CCR3: variants seen among roughly 807,000 people sequenced by gnomAD.
CCR3 encodes C-C motif chemokine receptor 3.
For missense variants in CCR3, 419 were observed against 437.5 expected (o/e 0.96, Z 0.38); for synonymous variants, 203 against 179.2 (o/e 1.13, Z -1.06).
intron 1 of CCR3, among the ~76,000 whole-genome samples, chr3:46,248,827 G>A (rs1700250414): frequency 6.6e-6 from 1 of 152,130 alleles, no homozygotes; most frequent in South Asian, 2.1e-4. Flanking sequence ...GTAGAGGGAG[G>A]TATTGAGGAT....
intron 2 of CCR3, among the ~76,000 whole-genome samples, chr3:46,224,653 C>T (rs1000468241): frequency 3.4e-5 from 5 of 147,340 alleles, no homozygotes; most frequent in Non-Finnish European, 5.9e-5. Context: ...AGCAGAATTG[C>T]TTGAGCCTGG....
intron 2 of CCR3, among the ~76,000 whole-genome samples, chr3:46,213,771 T>C (rs57115330): frequency 0.16 from 25,092 of 152,164 alleles, 3,006 homozygotes; most frequent in African/African-American, 0.33. Context: ...TCACTGCCTC[T>C]AGCACCTCAA....
intron 1 of CCR3, among the ~76,000 whole-genome samples, chr3:46,259,797 G>C (rs1700489566): frequency 6.6e-6 from 1 of 152,178 alleles, no homozygotes; most frequent in South Asian, 2.1e-4. Flanking sequence ...TGATTAAATA[G>C]GATCATAGTT....
chr3:46,222,720 T>C (rs1356739895), intron 2 of CCR3, among the ~76,000 whole-genome samples: 3 of 152,228 alleles, frequency 2.0e-5, no homozygotes, highest in African/African-American at 7.2e-5. Flanking sequence ...CTTGGGCATT[T>C]TTATTTACCG....
At chr3:46,214,946 CA>C (rs1176785958) in intron 2 of CCR3, among the ~76,000 whole-genome samples, 1 of 152,144 alleles carries the variant, frequency 6.6e-6, no homozygotes, top group African/African-American at 2.4e-5. Flanking sequence ...TTCCTGCTGG[CA>C]GAGAGCCTGA....
chr3:46,244,996 G>T (rs1700163880), intron 1 of CCR3, among the ~76,000 whole-genome samples: 1 of 152,122 alleles, frequency 6.6e-6, no homozygotes, highest in African/African-American at 2.4e-5. Flanking sequence ...TATTCTTCAT[G>T]ACCAACTCCT....
At chr3:46,251,206 A>G (rs2125930832) in intron 1 of CCR3, among the ~76,000 whole-genome samples, 2 of 152,282 alleles carry the variant, frequency 1.3e-5, no homozygotes, top group South Asian at 4.1e-4. Context: ...GACACCCTTG[A>G]AACGTGGGTG....
At position 46,262,649 on chromosome 3, in the gene CCR3, A is replaced by T. The variant is rs543611531; in HGVS notation, c.-11-2499A>T. On this transcript the variant is annotated intron_variant, in intron 1 of 1. Transcript: ENST00000395940. ...CAGGTTTTTAATTTTTTAATTTTTA[A>T]TTATTTATTTATTTATTTATTTTTT... 5.3e-5 allele frequency among the ~76,000 whole-genome samples: 8 copies of T among 151,768 alleles called. No individual in the cohort carries two copies. The South Asian group carries it at 8.3e-4, about 16-fold the overall frequency.
Position 46,265,450 on chromosome 3 carries a change from A to G in CCR3, c.292A>G (p.Asn98Asp), listed in dbSNP as rs1700602941. 3 of 1,614,106 alleles carry G rather than the reference A, an allele frequency of 1.9e-6. No homozygotes were observed. The East Asian group carries it at 6.7e-5, about 36-fold the overall frequency. Residue 98 changes from asparagine (N) to aspartate (D), a missense_variant, in exon 2 of 2, where the codon AAC becomes GAC. Coordinates refer to ENST00000395940, the MANE Select transcript of CCR3 (RefSeq NM_178329.3). The part of the protein sequence containing the change: ...PFWIHYVRGH[N>D]WVFGHGMCKL... ...CTGGATCCACTATGTCAGGGGGCATAACTGGGTTTTTGGCCATGGCATGTG... is the reference window on the plus strand; with the variant it reads ...CTGGATCCACTATGTCAGGGGGCATGACTGGGTTTTTGGCCATGGCATGTG...
chr3:46,265,062 T>C (rs567921837), intron 1 of CCR3, 86 bp from the exon 2 acceptor site: 1 of 849,912 alleles, frequency 1.2e-6, no homozygotes, highest in African/African-American at 1.7e-5. Context: ...GCATCTTTGT[T>C]GAGTACATGA....
chr3:46,232,224 C>T (rs531898026), intron 2 of CCR3, among the ~76,000 whole-genome samples: 14 of 152,174 alleles, frequency 9.2e-5, no homozygotes, highest in Admixed American at 2.0e-4. Flanking sequence ...CAATCCCTCA[C>T]GGGAATGCCC....
intron 1 of CCR3, among the ~76,000 whole-genome samples, chr3:46,248,273 T>C (rs900128449): frequency 1.3e-5 from 2 of 152,136 alleles, no homozygotes; most frequent in Non-Finnish European, 2.9e-5. Context: ...GAGCAGAAAG[T>C]ATATGCATCA....
intron 2 of CCR3, among the ~76,000 whole-genome samples, chr3:46,236,325 A>G (rs1346865472): frequency 6.6e-6 from 1 of 152,222 alleles, no homozygotes; most frequent in African/African-American, 2.4e-5. Context: ...GAGAGAAGAG[A>G]AAAGGGAAGA....
At chr3:46,256,853 T>C (rs1203187420) in intron 1 of CCR3, among the ~76,000 whole-genome samples, 1 of 152,118 alleles carries the variant, frequency 6.6e-6, no homozygotes, top group Non-Finnish European at 1.5e-5. Context: ...ATTTGCCAGT[T>C]GCCCAAAGAG....
At position 46,265,598 on chromosome 3, in the gene CCR3, T is replaced by C. The variant is rs61738836; in HGVS notation, c.440T>C (p.Val147Ala). The C allele has an allele frequency of 2.1e-4, 347 of 1,614,062 alleles. No individual in the cohort carries two copies. The Middle Eastern group carries it at 3.3e-3, about 15-fold the overall frequency. ...HAVFALRART[V>A]TFGVITSIVT... ...GTGTTTGCCCTTCGAGCCCGGACTG[T>C]CACTTTTGGTGTCATCACCAGCATC... Residue 147 changes from valine to alanine, a missense_variant, in exon 2 of 2, where the codon GTC becomes GCC. Coordinates refer to ENST00000395940, the MANE Select transcript of CCR3 (RefSeq NM_178329.3).
At chr3:46,215,108 T>C (rs577651641) in intron 2 of CCR3, among the ~76,000 whole-genome samples, 3 of 152,288 alleles carry the variant, frequency 2.0e-5, no homozygotes, top group Admixed American at 2.0e-4. Flanking sequence ...GAGCTGATAA[T>C]GATCCTTGTA....
At chr3:46,223,289 G>A (rs1326691564) in intron 2 of CCR3, among the ~76,000 whole-genome samples, 2 of 152,196 alleles carry the variant, frequency 1.3e-5, no homozygotes, top group African/African-American at 4.8e-5. Flanking sequence ...GCAGTGAGCC[G>A]AGATCGTGCC....
chr3:46,230,142 T>A lies in CCR3; in HGVS notation c.-67-12260T>A, dbSNP rs947969297. On this transcript the variant is annotated intron_variant, in intron 2 of 3. Transcript: ENST00000357422. ...AAACATGGAAACAGAAAGGGGTGCATAGGAAAGGTAAGAAGGACTCCACAG... is the reference window on the plus strand; with the variant it reads ...AAACATGGAAACAGAAAGGGGTGCAAAGGAAAGGTAAGAAGGACTCCACAG... Among the ~76,000 whole-genome samples, 5 of 151,890 alleles carry A rather than the reference T, an allele frequency of 3.3e-5. No homozygotes were observed. In the South Asian group the frequency reaches 1.0e-3, roughly 32 times the overall value.
At chr3:46,258,079 C>A (rs1189182110) in intron 1 of CCR3, among the ~76,000 whole-genome samples, 2 of 152,232 alleles carry the variant, frequency 1.3e-5, no homozygotes, top group Non-Finnish European at 2.9e-5. Context: ...GAAAGCAGAT[C>A]TTTCCCACCT....
Sources: gnomAD v4.1 joint callset for allele counts (sites outside exome capture counted in the v4.1 genomes callset) on GRCh38, gnomAD v4.1.1 for gene constraint, MANE v1.5 for transcripts, NCBI Gene and HGNC (gene_info 2026-07-23, HGNC 2026-07-21) for gene names.